CTNNA3: variants seen among roughly 807,000 people sequenced by gnomAD.
CTNNA3 encodes catenin alpha 3, also known as catenin alpha-3.
Under a neutral mutation model 95.7 loss-of-function variants are expected in CTNNA3, and 76 were observed. That is an observed-to-expected ratio of 0.79 (90% CI 0.66 to 0.96). The LOEUF (loss-of-function observed/expected upper bound fraction) is 0.96, where lower values mean the gene tolerates loss of function less well. Ranked by LOEUF, CTNNA3 falls within the 40% of genes least tolerant of loss-of-function variation. The pLI is 0.00. For missense variants in CTNNA3, 1,191 were observed against 1,089.8 expected (o/e 1.09, Z -1.31); for synonymous variants, 431 against 374.4 (o/e 1.15, Z -1.74).
intron 7 of CTNNA3, among the ~76,000 whole-genome samples, chr10:67,063,459 A>G (rs1011500469): frequency 1.3e-5 from 2 of 152,210 alleles, no homozygotes; most frequent in African/African-American, 4.8e-5. Flanking sequence ...TCCAAGTTCC[A>G]ACAGTGAGGC....
At chr10:65,995,213 A>G (rs1031886437) in intron 15 of CTNNA3, among the ~76,000 whole-genome samples, 1 of 151,814 alleles carries the variant, frequency 6.6e-6, no homozygotes, top group Non-Finnish European at 1.5e-5. Flanking sequence ...TAGATGTGGC[A>G]TATTTCCTTG....
At chr10:66,523,596 A>C (rs548187331) in intron 10 of CTNNA3, among the ~76,000 whole-genome samples, 3 of 152,128 alleles carry the variant, frequency 2.0e-5, no homozygotes, top group Non-Finnish European at 4.4e-5. Context: ...TTTTAAAATG[A>C]ATTATGTTGC....
intron 7 of CTNNA3, among the ~76,000 whole-genome samples, chr10:66,830,641 G>A (rs1028381068): frequency 4.0e-5 from 6 of 150,566 alleles, no homozygotes; most frequent in South Asian, 2.1e-4. Context: ...ACGGAGTCTA[G>A]CTCTGTTGCC....
At position 66,520,765 on chromosome 10, in the gene CTNNA3, A is replaced by G. The variant is rs766033319; in HGVS notation, c.1383T>C (p.Asn461=). ...HLETLCPQII[N]AALALAARPK... The stretch of plus-strand genomic sequence containing the variant: ...GTCTTGCAGCCAAAGCAAGTGCAGC[A>G]TTAATAATCTATAAAGATAAGGATT... Residue 461 remains asparagine, a synonymous_variant, in exon 11 of 18, where the codon AAT becomes AAC. Transcript: ENST00000433211. 6.2e-7 allele frequency: 1 copy of G among 1,612,460 alleles called. No homozygotes were observed. Among genetic ancestry groups the G allele is most frequent in the Non-Finnish European group, 8.5e-7 (1 of 1,179,168 alleles).
chr10:66,011,313 CT>C (rs2079001096), intron 15 of CTNNA3, among the ~76,000 whole-genome samples: 1 of 151,952 alleles, frequency 6.6e-6, no homozygotes, highest in African/African-American at 2.4e-5. Flanking sequence ...TTTTCTCACT[CT>C]TGTTTCTTTT....
intron 7 of CTNNA3, among the ~76,000 whole-genome samples, chr10:66,873,888 C>G (rs1844510227): frequency 6.6e-6 from 1 of 152,134 alleles, no homozygotes; most frequent in Non-Finnish European, 1.5e-5. Flanking sequence ...TTATTTCCTT[C>G]TCTTCTCAGG....
Position 67,219,626 on chromosome 10 carries a change from C to T in CTNNA3, c.824G>A (p.Ser275Asn). 6.2e-7 allele frequency: 1 copy of T among 1,613,258 alleles called. No individual in the cohort carries two copies. Residue 275 changes from serine (S) to asparagine (N), a missense_variant, in exon 6 of 18, where the codon AGT (serine) becomes AAT (asparagine). Transcript: ENST00000433211. ...PPEPQAATLG[S>N]ALDELENLIV... Reference sequence around the variant, plus strand: ...ACTTACCTCCAGCTCATCAAGGGCACTTCCCAGGGTTGCTGCCTGAGGTTC... The same window carrying T: ...ACTTACCTCCAGCTCATCAAGGGCATTTCCCAGGGTTGCTGCCTGAGGTTC...
intron 5 of CTNNA3, among the ~76,000 whole-genome samples, chr10:67,357,734 G>A (rs1244236038): frequency 1.3e-5 from 2 of 152,012 alleles, no homozygotes; most frequent in Non-Finnish European, 2.9e-5. Context: ...TAGTAAGCAT[G>A]CAAGAATAGC....
chr10:67,655,476 A>T (rs559138121), intron 1 of CTNNA3, among the ~76,000 whole-genome samples: 172 of 152,324 alleles, frequency 1.1e-3, no homozygotes, highest in African/African-American at 4.0e-3. Flanking sequence ...AGAGTATTTT[A>T]AAAATTTTCA....
upstream of CTNNA3, among the ~76,000 whole-genome samples, chr10:67,700,089 C>G (rs1841023810): frequency 1.3e-5 from 2 of 152,230 alleles, no homozygotes; most frequent in Non-Finnish European, 2.9e-5. Context: ...CCGCCATTGC[C>G]CAGGCTTGCT....
intron 17 of CTNNA3, among the ~76,000 whole-genome samples, chr10:65,922,854 T>G (rs1483098738): frequency 1.3e-5 from 2 of 152,138 alleles, no homozygotes; most frequent in Non-Finnish European, 2.9e-5. Context: ...CAGTTCTGCA[T>G]GTCTGGCAGG....
intron 5 of CTNNA3, among the ~76,000 whole-genome samples, chr10:67,237,668 GGT>G (rs1865552168): frequency 6.6e-6 from 1 of 152,170 alleles, no homozygotes; most frequent in Non-Finnish European, 1.5e-5. Flanking sequence ...AGGCGAGGAA[GGT>G]GCAGGTCACT....
rs560396615 is a variant in CTNNA3, at chr10:66,091,241, C to T, written c.1977+11916G>A. On this transcript the variant is annotated intron_variant, in intron 14 of 17. Transcript: ENST00000433211. ...TTAAACCTACAAAGAGAAAGAATCA[C>T]CTGAGTACTTTAGCCTCAACATTTT... Among the ~76,000 whole-genome samples the T allele has an allele frequency of 1.6e-4, 24 of 152,060 alleles. 1 individual carries two copies. The South Asian group carries it at 4.8e-3, about 30-fold the overall frequency.
intron 1 of CTNNA3, among the ~76,000 whole-genome samples, chr10:67,741,164 TG>T (rs895628638): frequency 8.0e-5 from 12 of 150,324 alleles, no homozygotes; most frequent in Non-Finnish European, 1.5e-4. Flanking sequence ...TGTTGTGGCA[TG>T]GGGAGAGGGG....
intron 14 of CTNNA3, among the ~76,000 whole-genome samples, chr10:66,070,835 T>C (rs1169069940): frequency 1.3e-5 from 2 of 152,132 alleles, no homozygotes; most frequent in Non-Finnish European, 2.9e-5. Flanking sequence ...AGGGAGCTCA[T>C]TGGTTGCACT....
chr10:67,594,914 A>G (rs1400041330), intron 3 of CTNNA3, among the ~76,000 whole-genome samples: 2 of 151,836 alleles, frequency 1.3e-5, no homozygotes, highest in African/African-American at 4.8e-5. Flanking sequence ...CCCATAATCT[A>G]TTGTATCATT....
At chr10:66,971,539 C>T (rs1183115162) in intron 7 of CTNNA3, among the ~76,000 whole-genome samples, 1 of 152,124 alleles carries the variant, frequency 6.6e-6, no homozygotes. Context: ...CAGTTTTCAT[C>T]TTCTTTAAGC....
intron 2 of CTNNA3, among the ~76,000 whole-genome samples, chr10:67,628,860 G>A (rs1400278473): frequency 6.6e-6 from 1 of 151,782 alleles, no homozygotes; most frequent in African/African-American, 2.4e-5. Flanking sequence ...TTATTCTGAT[G>A]CTTTTTTTTT....
intron 11 of CTNNA3, among the ~76,000 whole-genome samples, chr10:66,399,424 A>G (rs1384814602): frequency 1.3e-5 from 2 of 151,994 alleles, no homozygotes; most frequent in East Asian, 3.9e-4. Flanking sequence ...CCTGAATGAT[A>G]AACATAATAC....
Sources: gnomAD v4.1 joint callset for allele counts (sites outside exome capture counted in the v4.1 genomes callset) on GRCh38, gnomAD v4.1.1 for gene constraint, MANE v1.5 for transcripts, NCBI Gene and HGNC (gene_info 2026-07-23, HGNC 2026-07-21) for gene names.